MX2: variants seen among roughly 807,000 people sequenced by gnomAD.
The protein encoded by MX2 is interferon-induced GTP-binding protein Mx2.
In MX2, 51 loss-of-function variants were observed where a neutral mutation model predicts 74.0. The observed-to-expected ratio is 0.69, with a 90% CI of 0.55 to 0.87. MX2 has a LOEUF of 0.87. Ranked by LOEUF, MX2 falls within the 40% of genes least tolerant of loss-of-function variation. The pLI is 0.00. For synonymous variants in MX2, 369 were observed against 339.3 expected (o/e 1.09, Z -0.96); for missense variants, 832 against 908.7 (o/e 0.92, Z 1.09).
rs765829499 is a variant in MX2 at position 41,402,125 on chromosome 21, A to G, written c.1570A>G (p.Met524Val). 6.2e-7 allele frequency: 1 copy of G among 1,612,946 alleles called. No individual in the cohort carries two copies. Among genetic ancestry groups the G allele is most frequent in the Admixed American group, 1.7e-5 (1 of 59,680 alleles). ...CGCCCTTAGCATGCTCCAGAAAGCC[A>G]TGGGTGAGGACTTTCAAGCAGGACT... Reference protein sequence around the residue: ...EPALSMLQKAMEIIQQAFINV... With the variant: ...EPALSMLQKAVEIIQQAFINV... The change falls in exon 11 of 14, where the codon ATG becomes GTG. Residue 524 changes from methionine (M) to valine (V), a missense_variant. Coordinates refer to ENST00000330714, the MANE Select transcript of MX2 (RefSeq NM_002463.2). This position sits in a 1 kb window ranked among gnomAD's most constrained non-coding sequence, Gnocchi z 4.5.
intron 1 of MX2, chr21:41,365,452 C>T (rs969644295): frequency 2.6e-5 from 4 of 152,116 alleles, no homozygotes; most frequent in African/African-American, 4.8e-5. Context: ...TAATGTTTAG[C>T]TCCCACTAAT....
chr21:41,365,492 G>A (rs1306855444), intron 1 of MX2: 1 of 152,028 alleles, frequency 6.6e-6, no homozygotes, highest in East Asian at 1.9e-4. Flanking sequence ...TTGGTTTTCT[G>A]TTACTAGATT....
chr21:41,396,227 C>T (rs970786202), intron 7 of MX2, among the ~76,000 whole-genome samples: 7 of 152,190 alleles, frequency 4.6e-5, no homozygotes, highest in African/African-American at 1.4e-4. Context: ...AAAACCTGCT[C>T]GATGGAACTC....
At position 41,390,598 on chromosome 21, in the gene MX2, C is replaced by T. The variant is rs371893415; in HGVS notation, c.766C>T (p.Gln256Ter). The change falls in exon 6 of 14, where the codon CAG (glutamine) becomes TAG (stop). Residue 256 changes from glutamine to a stop codon, truncating the protein, a stop_gained. Coordinates refer to ENST00000330714, the MANE Select transcript of MX2 (RefSeq NM_002463.2). LOFTEE classifies it high-confidence loss of function. Reference sequence around the variant, plus strand: ...TCTCATCAAGAAGTACATCCAGAGGCAGCAGACGATCAACTTGGTGGTGGT... The same window carrying T: ...TCTCATCAAGAAGTACATCCAGAGGTAGCAGACGATCAACTTGGTGGTGGT... ...KALIKKYIQR[Q>*]QTINLVVVPC... 1 of 1,614,092 alleles carries T rather than the reference C, an allele frequency of 6.2e-7. No individual in the cohort carries two copies. Among genetic ancestry groups the T allele is most frequent in the African/African-American group, 1.3e-5 (1 of 74,936 alleles).
chr21:41,371,681 C>T (rs917586714), intron 1 of MX2, among the ~76,000 whole-genome samples: 6 of 152,168 alleles, frequency 3.9e-5, no homozygotes, highest in Non-Finnish European at 5.9e-5. Flanking sequence ...GAGACGGTCA[C>T]GCCAATAGCC....
intron 1 of MX2, among the ~76,000 whole-genome samples, chr21:41,372,695 T>C (rs2089340827): frequency 6.6e-6 from 1 of 152,220 alleles, no homozygotes; most frequent in African/African-American, 2.4e-5. Flanking sequence ...ACAGATATCA[T>C]AAATCCTCTG....
chr21:41,393,077 CT>C (rs1450956264), intron 6 of MX2, among the ~76,000 whole-genome samples: 4 of 127,694 alleles, frequency 3.1e-5, no homozygotes, highest in African/African-American at 1.2e-4. Context: ...GCACTCCAGC[CT>C]GGTGACAGAG....
At chr21:41,389,446 A>G (rs1454869859) in intron 5 of MX2, 1 of 152,184 alleles carries the variant, frequency 6.6e-6, no homozygotes, top group African/African-American at 2.4e-5. Context: ...ACTTGAGTCC[A>G]GGAGTTTAAG....
At position 41,378,458 on chromosome 21, in the gene MX2, TC is replaced by T. The variant is rs2089444497; in HGVS notation, c.442+479del. Among the ~76,000 whole-genome samples the T allele has an allele frequency of 2.6e-5, 4 of 152,232 alleles. No homozygotes were observed. In the South Asian group the frequency reaches 8.3e-4, roughly 31 times the overall value. On this transcript the variant is annotated intron_variant, in intron 3 of 13. Coordinates refer to ENST00000330714, the MANE Select transcript of MX2 (RefSeq NM_002463.2). Reference sequence around the variant, plus strand: ...CAGGTGCAGGGACCTTGCCACCTCTTCCTAGTGGTCTTTGTAAGAATGTAGA... The same window carrying T: ...CAGGTGCAGGGACCTTGCCACCTCTTCTAGTGGTCTTTGTAAGAATGTAGA...
intron 5 of MX2, among the ~76,000 whole-genome samples, chr21:41,385,959 G>T (rs2089567067): frequency 6.6e-6 from 1 of 152,032 alleles, no homozygotes; most frequent in Non-Finnish European, 1.5e-5. Context: ...CAATAGGCTT[G>T]GTCAACTCAG....
chr21:41,397,683 C>T lies in MX2; in HGVS notation c.1141C>T (p.His381Tyr). The change falls in exon 8 of 14, where the codon CAT becomes TAT. Residue 381 changes from histidine to tyrosine, a missense_variant. By Grantham distance (83) the His-to-Tyr change is moderately conservative. Coordinates refer to ENST00000330714, the MANE Select transcript of MX2 (RefSeq NM_002463.2). ...AERLTTELIM[H>Y]IQKSLPLLEG... ...AAGACTTACCACTGAACTCATCATG[C>T]ATATCCAAGTGAGCCACGTGGGTTG... 1 of 1,613,974 alleles carries T rather than the reference C, an allele frequency of 6.2e-7. No homozygotes were observed. The highest frequency in any genetic ancestry group is 1.1e-5 in the South Asian group (1 of 91,072).
Position 41,377,824 on chromosome 21 carries a change from G to C in MX2, c.285G>C (p.Gln95His). The change falls in exon 3 of 14, where the codon CAG (glutamine) becomes CAC (histidine). Residue 95 changes from glutamine (Q) to histidine (H), a missense_variant. Transcript: ENST00000330714. ...PENNLYSQYE[Q>H]KVRPCIDLID... ...ACAACCTGTACAGCCAGTACGAGCA[G>C]AAGGTGCGCCCCTGCATTGACCTCA... is the stretch of plus-strand genomic sequence containing the variant. The C allele has an allele frequency of 1.2e-6, 2 of 1,613,942 alleles. No individual in the cohort carries two copies. Among genetic ancestry groups the C allele is most frequent in the Non-Finnish European group, 1.7e-6 (2 of 1,179,822 alleles).
intron 6 of MX2, among the ~76,000 whole-genome samples, chr21:41,392,923 G>A (rs933198326): frequency 1.4e-4 from 21 of 151,878 alleles, no homozygotes; most frequent in African/African-American, 4.6e-4. Flanking sequence ...TGGCCAACAC[G>A]GTGAAACCCC....
At position 41,402,499 on chromosome 21, in the gene MX2, G is replaced by A. The variant is rs980977466; in HGVS notation, c.1573+371G>A. 31 of 200,146 alleles carry A rather than the reference G, an allele frequency of 1.5e-4. No homozygotes were observed. The highest frequency in any genetic ancestry group is 4.4e-4 in the African/African-American group (19 of 43,262). The allele number at this position is 200,146 out of a possible 1,614,324, so 12.4% of individuals were successfully genotyped here. Reference sequence around the variant, plus strand: ...CACATGCACTTCATCTGTATCACACGCAGCCACCAACACAGCCGCGTAAGG... The same window carrying A: ...CACATGCACTTCATCTGTATCACACACAGCCACCAACACAGCCGCGTAAGG... On this transcript the variant is annotated intron_variant, in intron 11 of 13. Coordinates refer to ENST00000330714, the MANE Select transcript of MX2 (RefSeq NM_002463.2). This position sits in a 1 kb window ranked among gnomAD's most constrained non-coding sequence, Gnocchi z 4.5.
intron 5 of MX2, among the ~76,000 whole-genome samples, chr21:41,386,217 C>T (rs1191036094): frequency 2.2e-5 from 1 of 45,500 alleles, no homozygotes; most frequent in African/African-American, 1.1e-4. Flanking sequence ...AATACTCCAT[C>T]TCAAAAAAAA....
At chr21:41,394,969 A>C (rs559409176) in intron 6 of MX2, among the ~76,000 whole-genome samples, 1 of 151,040 alleles carries the variant, frequency 6.6e-6, no homozygotes, top group Admixed American at 6.6e-5. Context: ...AAAGGAAGGA[A>C]GGAAGCAAGG....
chr21:41,394,343 C>T (rs938979895), intron 6 of MX2, among the ~76,000 whole-genome samples: 1 of 152,170 alleles, frequency 6.6e-6, no homozygotes, highest in African/African-American at 2.4e-5. Context: ...CCCTCTCAAC[C>T]AGGGTCTGGA....
intron 1 of MX2, among the ~76,000 whole-genome samples, chr21:41,376,507 A>C (rs541965930): frequency 6.6e-6 from 1 of 152,114 alleles, no homozygotes; most frequent in African/African-American, 2.4e-5. Context: ...TGATTGCACC[A>C]CTACACTCCC....
At chr21:41,395,489 C>T (rs1443500246) in intron 6 of MX2, 98 bp from the exon 7 acceptor site, 1 of 1,066,538 alleles carries the variant, frequency 9.4e-7, no homozygotes, top group Non-Finnish European at 1.4e-6. Flanking sequence ...CTGCAGAAGA[C>T]CTTGTTGGCC....
Sources: gnomAD v4.1 joint callset for allele counts (sites outside exome capture counted in the v4.1 genomes callset) on GRCh38, gnomAD v4.1.1 for gene constraint, Gnocchi (gnomAD v3.1) non-coding constraint, MANE v1.5 for transcripts, NCBI Gene and HGNC (gene_info 2026-07-23, HGNC 2026-07-21) for gene names.